The following NOX5 variants were observed in gnomAD, a reference collection of about 807,000 sequenced individuals.
The protein encoded by NOX5 is NADPH oxidase 5.
NOX5 carries 76 observed loss-of-function variants against 85.7 expected under a neutral mutation model. The observed-to-expected ratio is 0.89, with a 90% CI of 0.74 to 1.07. The LOEUF is 1.07. Among genes scored for constraint, NOX5 ranks in the 50% least tolerant of loss-of-function variants. The pLI is 0.00. For missense variants in NOX5, 973 were observed against 999.5 expected (o/e 0.97, Z 0.36); for synonymous variants, 405 against 401.4 (o/e 1.01, Z -0.11).
At chr15:69,047,726 G>A in intron 12 of NOX5, 104 bp from the exon 13 acceptor site, 1 of 1,349,152 alleles carries the variant, frequency 7.4e-7, no homozygotes, top group Non-Finnish European at 1.0e-6. Flanking sequence ...CTCATAGAGT[G>A]GGCTCTGCCA....
At position 69,061,896 on chromosome 15, in the gene NOX5, A is replaced by T. The variant is rs2050873934; in HGVS notation, c.*5200A>T. 1 of 152,170 alleles carries T rather than the reference A, an allele frequency of 6.6e-6. No individual in the cohort carries two copies. Among genetic ancestry groups the T allele is most frequent in the African/African-American group, 2.4e-5 (1 of 41,448 alleles). The allele number at this position is 152,170 out of a possible 1,614,324, so 9.4% of individuals were successfully genotyped here. ...TGGTAAAGGAAAAAAAAATTCTGAGATTTACCCAAATTTGGCTGGACATGA... is the reference window on the plus strand; with the variant it reads ...TGGTAAAGGAAAAAAAAATTCTGAGTTTTACCCAAATTTGGCTGGACATGA... On this transcript the variant is annotated 3_prime_UTR_variant, in exon 16 of 16. Coordinates refer to ENST00000388866, the MANE Select transcript of NOX5 (RefSeq NM_024505.4).
chr15:69,036,121 T>C (rs770017602), intron 7 of NOX5, among the ~76,000 whole-genome samples, 185 bp downstream of exon 7: 3 of 152,200 alleles, frequency 2.0e-5, no homozygotes, highest in Non-Finnish European at 2.9e-5. Context: ...CTGCCAAGTG[T>C]AGATGTTTTG....
chr15:69,033,106 C>T lies in NOX5; in HGVS notation c.684C>T (p.Thr228=). 6.4e-7 allele frequency: 1 copy of T among 1,556,964 alleles called. No individual in the cohort carries two copies. The highest frequency in any genetic ancestry group is 8.6e-7 in the Non-Finnish European group (1 of 1,157,684). Residue 228 remains threonine, a synonymous_variant, in exon 5 of 16, where the codon ACC becomes ACT. Coordinates refer to ENST00000388866, the MANE Select transcript of NOX5 (RefSeq NM_024505.4). ...GCCCGCGCCGGCCGCGCCAGCTGAC[C>T]CGCGCCTACTGGCACAACCACCGCA... ...RPRPRRPRQL[T]RAYWHNHRSQ... is the part of the protein sequence containing the mutation.
intron 7 of NOX5, among the ~76,000 whole-genome samples, chr15:69,036,819 G>C (rs1349776218): frequency 3.3e-5 from 5 of 152,256 alleles, no homozygotes; most frequent in African/African-American, 1.2e-4. Context: ...GTTTGCCTCT[G>C]GTATCAGGAA....
intron 13 of NOX5, among the ~76,000 whole-genome samples, chr15:69,048,201 G>C (rs1467653661): frequency 2.6e-5 from 4 of 152,358 alleles, no homozygotes; most frequent in Admixed American, 2.0e-4. Flanking sequence ...TTACAGCCAT[G>C]ATGCTACCTA....
chr15:69,052,940 A>T (rs1567108827), intron 14 of NOX5, among the ~76,000 whole-genome samples: 1 of 152,220 alleles, frequency 6.6e-6, no homozygotes, highest in East Asian at 1.9e-4. Flanking sequence ...CTGGCACATA[A>T]ATATTTGCTG....
At chr15:69,038,313 T>G (rs1328439905) in intron 8 of NOX5, 3 of 169,140 alleles carry the variant, frequency 1.8e-5, no homozygotes, top group Admixed American at 6.3e-5. Flanking sequence ...TCCCACGGTT[T>G]CTTACCCAGT....
rs34593472 is a variant in NOX5, at chr15:69,028,388, G to T, written c.325+23G>T. ...ATGGTAAGGGCTCTTCCTGGGTGTGGGCTGGGGTGGGGAGATCAGTGGGCC... is the reference window on the plus strand; with the variant it reads ...ATGGTAAGGGCTCTTCCTGGGTGTGTGCTGGGGTGGGGAGATCAGTGGGCC... On this transcript the variant is annotated intron_variant, in intron 3 of 15. Coordinates refer to ENST00000388866, the MANE Select transcript of NOX5 (RefSeq NM_024505.4). 9.3e-4 allele frequency: 1,456 copies of T among 1,566,486 alleles called. 10 individuals carry two copies. The African/African-American group carries it at 0.017, about 18-fold the overall frequency.
rs1299555686 is a variant in NOX5, at chr15:69,060,545, G to T, written c.*3849G>T. ...AGGATACATGAAAGTATATTTATCT[G>T]TGTGCTCTGGGGAGTGGGAATGGAG... On this transcript the variant is annotated 3_prime_UTR_variant, in exon 16 of 16. Coordinates refer to ENST00000388866, the MANE Select transcript of NOX5 (RefSeq NM_024505.4). The T allele has an allele frequency of 6.6e-6, 1 of 152,318 alleles. No homozygotes were observed. Among genetic ancestry groups the T allele is most frequent in the African/African-American group, 2.4e-5 (1 of 41,570 alleles). 9.4% of individuals were successfully genotyped at this position (152,318 alleles called of 1,614,324 possible).
In NOX5 at chr15:69,042,762, T is replaced by G; in HGVS notation, c.1604T>G (p.Leu535Arg). 6.2e-7 allele frequency: 1 copy of G among 1,614,174 alleles called. No individual in the cohort carries two copies. The highest frequency in any genetic ancestry group is 8.5e-7 in the Non-Finnish European group (1 of 1,180,030). Residue 535 changes from leucine to arginine, a missense_variant, in exon 10 of 16, where the codon CTG becomes CGG. Transcript: ENST00000388866. ...SDPLGRGSKR[L>R]SRSVTMRKSQ... ...CCACTGGGCCGTGGTTCTAAGAGGC[T>G]GTCGAGGAGTGTGACAATGAGAAAG...
intron 10 of NOX5, chr15:69,043,424 A>G (rs1364069753): frequency 6.6e-6 from 1 of 152,422 alleles, no homozygotes; most frequent in South Asian, 2.1e-4. Flanking sequence ...GCTGAACTCA[A>G]ACTAAGTAGA....
At position 69,058,937 on chromosome 15, in the gene NOX5, C is replaced by T. The variant is rs571353305; in HGVS notation, c.*2241C>T. Reference sequence around the variant, plus strand: ...TGGAAACGTGGCAGAATCTGTTTAGCACAGGATGTCTCACACATGCACTCA... The same window carrying T: ...TGGAAACGTGGCAGAATCTGTTTAGTACAGGATGTCTCACACATGCACTCA... On this transcript the variant is annotated 3_prime_UTR_variant, in exon 16 of 16. Coordinates refer to ENST00000388866, the MANE Select transcript of NOX5 (RefSeq NM_024505.4). 2 of 152,324 alleles carry T rather than the reference C, an allele frequency of 1.3e-5. No individual in the cohort carries two copies. The highest frequency in any genetic ancestry group is 1.9e-4 in the East Asian group (1 of 5,180). 9.4% of individuals were successfully genotyped at this position (152,324 alleles called of 1,614,324 possible).
chr15:69,028,206 C>A lies in NOX5; in HGVS notation c.175-9C>A. The A allele has an allele frequency of 1.3e-6, 2 of 1,588,798 alleles. No homozygotes were observed. The highest frequency in any genetic ancestry group is 1.7e-4 in the Middle Eastern group (1 of 5,936). On this transcript the variant is annotated splice_polypyrimidine_tract_variant and intron_variant, in intron 2 of 15. Transcript: ENST00000388866. ...CAGTTGTGCTGTCTTCCACCCTTCT[C>A]GCCCACAGTCCTTCTTTGCAGAGCG...
chr15:69,037,442 T>G, intron 8 of NOX5: 1 of 535,446 alleles, frequency 1.9e-6, no homozygotes, highest in Non-Finnish European at 3.3e-6. Context: ...AAATCCGATT[T>G]TGGGGAGAAC....
intron 9 of NOX5, 147 bp from the exon 10 acceptor site, chr15:69,042,516 G>A: frequency 1.3e-6 from 1 of 762,610 alleles, no homozygotes. Context: ...CTGTGGCTAT[G>A]GCTGCTAGTC....
At chr15:69,049,990 C>G (rs953494055) in intron 14 of NOX5, among the ~76,000 whole-genome samples, 1 of 152,222 alleles carries the variant, frequency 6.6e-6, no homozygotes, top group African/African-American at 2.4e-5. Context: ...TCAACACCCT[C>G]CCCTGACTTG....
Position 69,033,112 on chromosome 15 carries a change from C to T in NOX5, c.690C>T (p.Ala230=). 1.3e-6 allele frequency: 2 copies of T among 1,558,320 alleles called. No homozygotes were observed. The highest frequency in any genetic ancestry group is 2.3e-5 in the South Asian group (2 of 86,624). ...RPRRPRQLTR[A]YWHNHRSQLF... is the part of the protein sequence containing the mutation. ...GCCGGCCGCGCCAGCTGACCCGCGC[C>T]TACTGGCACAACCACCGCAGCCAGC... The change falls in exon 5 of 16, where the codon GCC becomes GCT. Residue 230 remains alanine (A), a synonymous_variant. Coordinates refer to ENST00000388866, the MANE Select transcript of NOX5 (RefSeq NM_024505.4).
Position 69,048,980 on chromosome 15 carries a change from A to G in NOX5, c.1921A>G (p.Arg641Gly). ...LHKVDFIWIN[R>G]DQRSFEWFVS... The stretch of plus-strand genomic sequence containing the variant: ...GTAGGTGGACTTTATCTGGATCAAC[A>G]GAGACCAGCGGTCTTTCGAGTGGTT... The change falls in exon 14 of 16, where the codon AGA (arginine) becomes GGA (glycine). Residue 641 changes from arginine to glycine, a missense_variant. Physicochemically the swap from Arg to Gly is moderately radical, Grantham distance 125 (BLOSUM62 -2). Transcript: ENST00000388866. 1 of 1,612,678 alleles carries G rather than the reference A, an allele frequency of 6.2e-7. No individual in the cohort carries two copies. Among genetic ancestry groups the G allele is most frequent in the Non-Finnish European group, 8.5e-7 (1 of 1,179,506 alleles).
chr15:69,028,440 G>A lies in NOX5; in HGVS notation c.325+75G>A, dbSNP rs540254436. On this transcript the variant is annotated intron_variant, in intron 3 of 15. Coordinates refer to ENST00000388866, the MANE Select transcript of NOX5 (RefSeq NM_024505.4). ...CAGTGAGAACTGGCCATTTCACCTTGGCAGGCCTGGAGGTGCCATCCCGGC... is the reference window on the plus strand; with the variant it reads ...CAGTGAGAACTGGCCATTTCACCTTAGCAGGCCTGGAGGTGCCATCCCGGC... 6.9e-5 allele frequency: 99 copies of A among 1,441,776 alleles called. No individual in the cohort carries two copies. In the East Asian group the frequency reaches 1.5e-3, roughly 22 times the overall value. 89.3% of individuals were successfully genotyped at this position (1,441,776 alleles called of 1,614,324 possible). A position where few individuals can be genotyped will look rare whatever the true frequency, so the allele number is the denominator to read the frequency against.
Sources: allele counts gnomAD v4.1 joint callset (sites outside exome capture counted in the v4.1 genomes callset), GRCh38; gene constraint gnomAD v4.1.1; transcripts MANE v1.5; gene names NCBI Gene and HGNC (gene_info 2026-07-23, HGNC 2026-07-21).